The following UBE2G2 variants were observed in gnomAD, a reference collection of about 807,000 sequenced individuals.
UBE2G2 encodes ubiquitin conjugating enzyme E2 G2.
A neutral mutation model predicts 23.0 loss-of-function variants in UBE2G2; 10 were observed. The observed-to-expected ratio is 0.43, with a 90% CI of 0.27 to 0.74. The LOEUF is 0.74. Among genes scored for constraint, UBE2G2 ranks in the 30% least tolerant of loss-of-function variants. The pLI is 0.19. For synonymous variants in UBE2G2, 86 were observed against 81.3 expected (o/e 1.06, Z -0.31); for missense variants, 150 against 218.3 (o/e 0.69, Z 1.97).
intron 4 of UBE2G2, among the ~76,000 whole-genome samples, chr21:44,775,680 G>A (rs1454178501): frequency 2.6e-5 from 4 of 152,060 alleles, no homozygotes; most frequent in African/African-American, 9.7e-5. Context: ...CCATGTCACA[G>A]GTATTGTTCT....
intron 3 of UBE2G2, among the ~76,000 whole-genome samples, chr21:44,783,526 T>C (rs2082972359): frequency 6.6e-6 from 1 of 152,144 alleles, no homozygotes; most frequent in African/African-American, 2.4e-5. Context: ...GTCCATCAAC[T>C]GGGGAATGGA....
intron 1 of UBE2G2, among the ~76,000 whole-genome samples, chr21:44,793,099 T>A (rs1450201274): frequency 2.0e-5 from 3 of 152,264 alleles, no homozygotes; most frequent in Non-Finnish European, 4.4e-5. Context: ...CCCAGTCATC[T>A]AAAATCTAGT....
At position 44,792,423 on chromosome 21, in the gene UBE2G2, C is replaced by T. The variant is rs1555963050; in HGVS notation, c.44-4328G>A. The stretch of plus-strand genomic sequence containing the variant: ...GTGACTGGATCATGGGGGCAGTTTC[C>T]CTCATGCTGTTCTCGTGATAGCGAG... On this transcript the variant is annotated intron_variant, in intron 1 of 5. Coordinates refer to ENST00000345496, the MANE Select transcript of UBE2G2 (RefSeq NM_003343.6). 3.3e-5 allele frequency among the ~76,000 whole-genome samples: 5 copies of T among 152,122 alleles called. No individual in the cohort carries two copies. In the South Asian group the frequency reaches 1.0e-3, roughly 32 times the overall value.
chr21:44,791,623 C>T (rs925899136), intron 1 of UBE2G2, among the ~76,000 whole-genome samples: 10 of 152,196 alleles, frequency 6.6e-5, no homozygotes, highest in African/African-American at 2.4e-4. Context: ...GATGTCCAGA[C>T]AGAAATCTGC....
chr21:44,790,776 T>C (rs908240310), intron 1 of UBE2G2, among the ~76,000 whole-genome samples: 7 of 152,268 alleles, frequency 4.6e-5, no homozygotes, highest in African/African-American at 1.7e-4. Context: ...TATAGGAGTG[T>C]GAAAACAGAT....
intron 1 of UBE2G2, among the ~76,000 whole-genome samples, chr21:44,798,136 A>G (rs1353389885): frequency 6.6e-6 from 1 of 152,266 alleles, no homozygotes; most frequent in Non-Finnish European, 1.5e-5. Flanking sequence ...AACCTGGGTG[A>G]CAGAGCAAGA....
At chr21:44,783,006 G>A (rs782769551) in intron 3 of UBE2G2, among the ~76,000 whole-genome samples, 1 of 152,138 alleles carries the variant, frequency 6.6e-6, no homozygotes. Flanking sequence ...CAGATTGGAA[G>A]AAAATATTTA....
chr21:44,773,963 C>A, intron 4 of UBE2G2: 3 of 330,640 alleles, frequency 9.1e-6, no homozygotes, highest in South Asian at 7.7e-5. Context: ...TTTTTTCAAG[C>A]AATATATACA....
At position 44,795,880 on chromosome 21, in the gene UBE2G2, A is replaced by T. The variant is rs2083084882; in HGVS notation, c.43+5826T>A. 3.3e-5 allele frequency among the ~76,000 whole-genome samples: 5 copies of T among 152,246 alleles called. No individual in the cohort carries two copies. In the Middle Eastern group the frequency reaches 0.014, roughly 414 times the overall value. ...ACATTTAGGACATGCACACAGGGGG[A>T]AGATGGCCATGCGAAGATGGAGGCA... On this transcript the variant is annotated intron_variant, in intron 1 of 5. Coordinates refer to ENST00000345496, the MANE Select transcript of UBE2G2 (RefSeq NM_003343.6).
chr21:44,799,217 T>A (rs1480651440), intron 1 of UBE2G2, among the ~76,000 whole-genome samples: 1 of 152,162 alleles, frequency 6.6e-6, no homozygotes, highest in Non-Finnish European at 1.5e-5. Flanking sequence ...GGCCCTAAGA[T>A]TTTCTGAATG....
At chr21:44,774,765 A>G (rs1414301587) in intron 4 of UBE2G2, 28 of 455,584 alleles carry the variant, frequency 6.1e-5, no homozygotes, top group African/African-American at 4.8e-4. Flanking sequence ...CCACAAAATC[A>G]GGAAGTTTCC....
At position 44,778,444 on chromosome 21, in the gene UBE2G2, A is replaced by G. The variant is rs77525560; in HGVS notation, c.126-1027T>C. Reference sequence around the variant, plus strand: ...TACTTTCCTCACGTGTAAATGGAAGAAATAGATGAAACCATTTCAGAAATC... The same window carrying G: ...TACTTTCCTCACGTGTAAATGGAAGGAATAGATGAAACCATTTCAGAAATC... On this transcript the variant is annotated intron_variant, in intron 3 of 5. Coordinates refer to ENST00000345496, the MANE Select transcript of UBE2G2 (RefSeq NM_003343.6). Among the ~76,000 whole-genome samples, 823 of 152,380 alleles carry G rather than the reference A, an allele frequency of 5.4e-3. 12 individuals carry two copies. Among genetic ancestry groups the G allele is most frequent in the African/African-American group, 0.018 (769 of 41,596 alleles).
rs1555960722 is a variant in UBE2G2, at chr21:44,777,396, A to C, written c.147T>G (p.Phe49Leu). 6.2e-7 allele frequency: 1 copy of C among 1,614,020 alleles called. No homozygotes were observed. The highest frequency in any genetic ancestry group is 1.3e-5 in the African/African-American group (1 of 74,930). ...GGATGGCAGGAAAAACACCAAACTCAAAGCAGGTGTCTTCTGGGCCCCTAG... is the reference window on the plus strand; with the variant it reads ...GGATGGCAGGAAAAACACCAAACTCCAAGCAGGTGTCTTCTGGGCCCCTAG... Reference protein sequence around the residue: ...ALIMGPEDTCFEFGVFPAILS... With the variant: ...ALIMGPEDTCLEFGVFPAILS... The change falls in exon 4 of 6, where the codon TTT becomes TTG. Residue 49 changes from phenylalanine to leucine, a missense_variant. Coordinates refer to ENST00000345496, the MANE Select transcript of UBE2G2 (RefSeq NM_003343.6).
At chr21:44,791,984 T>A (rs1251520970) in intron 1 of UBE2G2, among the ~76,000 whole-genome samples, 2 of 152,232 alleles carry the variant, frequency 1.3e-5, no homozygotes, top group Admixed American at 6.5e-5. Flanking sequence ...CATTTTGAGC[T>A]TTAAGATTTA....
intron 1 of UBE2G2, among the ~76,000 whole-genome samples, chr21:44,791,381 A>G (rs949527678): frequency 6.6e-6 from 1 of 152,138 alleles, no homozygotes; most frequent in East Asian, 1.9e-4. Flanking sequence ...GGCCAGGCCC[A>G]GCCCCGCTGC....
Position 44,769,354 on chromosome 21 carries a change from A to T in UBE2G2, c.*2023T>A, listed in dbSNP as rs1002064471. ...GCTCCTTTCCCCCATCTCCTTCCAA[A>T]TACGAGTTCTTGCCCTGCGTTCCAT... is the stretch of plus-strand genomic sequence containing the variant. On this transcript the variant is annotated 3_prime_UTR_variant, in exon 6 of 6. Transcript: ENST00000345496. The T allele has an allele frequency of 2.7e-5, 4 of 150,728 alleles. No homozygotes were observed. The highest frequency in any genetic ancestry group is 4.4e-5 in the Non-Finnish European group (3 of 67,984). 9.3% of individuals were successfully genotyped at this position (150,728 alleles called of 1,614,324 possible). A position where few individuals can be genotyped will look rare whatever the true frequency, so the allele number is the denominator to read the frequency against.
intron 1 of UBE2G2, among the ~76,000 whole-genome samples, chr21:44,799,746 T>G (rs1555964452): frequency 6.6e-6 from 1 of 152,262 alleles, no homozygotes; most frequent in African/African-American, 2.4e-5. Flanking sequence ...TAATTTCCTT[T>G]AAGAACTTTT....
intron 4 of UBE2G2, among the ~76,000 whole-genome samples, chr21:44,776,444 T>C (rs1033349499): frequency 2.0e-5 from 3 of 152,234 alleles, no homozygotes; most frequent in Admixed American, 2.0e-4. Context: ...GAGGAAATTA[T>C]AACAGTGCTA....
chr21:44,791,369 T>A (rs1601193996), intron 1 of UBE2G2, among the ~76,000 whole-genome samples: 1 of 152,026 alleles, frequency 6.6e-6, no homozygotes, highest in African/African-American at 2.4e-5. Flanking sequence ...AATGGTTTTG[T>A]GGGCCAGGCC....
Sources: allele counts gnomAD v4.1 joint callset (sites outside exome capture counted in the v4.1 genomes callset), GRCh38; gene constraint gnomAD v4.1.1; transcripts MANE v1.5; gene names NCBI Gene and HGNC (gene_info 2026-07-23, HGNC 2026-07-21).